ARHGEF26: variants seen among roughly 807,000 people sequenced by gnomAD.
The protein encoded by ARHGEF26 is Rho guanine nucleotide exchange factor (GEF) 26.
Under a neutral mutation model 89.4 loss-of-function variants are expected in ARHGEF26, and 59 were observed. That is an observed-to-expected ratio of 0.66 (90% CI 0.54 to 0.82). The LOEUF (loss-of-function observed/expected upper bound fraction) is 0.82. Ranked by LOEUF, ARHGEF26 falls within the 40% of genes least tolerant of loss-of-function variation. The probability of loss-of-function intolerance (pLI) is 0.00; values close to 1 mark genes in which losing one functional copy is unlikely to be tolerated. For synonymous variants in ARHGEF26, 500 were observed against 428.4 expected (o/e 1.17, Z -2.06); for missense variants, 1,234 against 1,085.6 (o/e 1.14, Z -1.92).
At chr3:154,252,872 G>T (rs1297679723) in intron 12 of ARHGEF26, among the ~76,000 whole-genome samples, 1 of 152,010 alleles carries the variant, frequency 6.6e-6, no homozygotes, top group East Asian at 1.9e-4. Context: ...CTGTCATATG[G>T]GAAGTTCCTT....
chr3:154,244,590 C>CAA (rs1390305508), intron 12 of ARHGEF26, among the ~76,000 whole-genome samples: 1 of 152,080 alleles, frequency 6.6e-6, no homozygotes, highest in Non-Finnish European at 1.5e-5. Context: ...GAATGATACT[C>CAA]TTTTTGACTC....
Position 154,257,693 on chromosome 3 carries a change from T to G in ARHGEF26, c.*2220T>G, listed in dbSNP as rs911139591. 2 of 152,206 alleles carry G rather than the reference T, an allele frequency of 1.3e-5. No individual in the cohort carries two copies. Among genetic ancestry groups the G allele is most frequent in the African/African-American group, 4.8e-5 (2 of 41,456 alleles). 9.4% of individuals were successfully genotyped at this position (152,206 alleles called of 1,614,324 possible). ...GTTTTTTCAAACCTAGTTGTTTCTATGGACACCTGCTCTGAATTGTACATT... is the reference window on the plus strand; with the variant it reads ...GTTTTTTCAAACCTAGTTGTTTCTAGGGACACCTGCTCTGAATTGTACATT... On this transcript the variant is annotated 3_prime_UTR_variant, in exon 15 of 15. Coordinates refer to ENST00000465093, the MANE Select transcript of ARHGEF26 (RefSeq NM_015595.4).
In ARHGEF26 at chr3:154,256,238, C is replaced by T. The variant is rs1222751157; in HGVS notation, c.*765C>T. On this transcript the variant is annotated 3_prime_UTR_variant, in exon 15 of 15. Coordinates refer to ENST00000465093, the MANE Select transcript of ARHGEF26 (RefSeq NM_015595.4). ...AAAAACCTGAATATAGGACAGGGGT[C>T]CTACTTTTTTCCCCACCTCTGTCGC... 2 of 985,292 alleles carry T rather than the reference C, an allele frequency of 2.0e-6. No homozygotes were observed. Among genetic ancestry groups the T allele is most frequent in the Non-Finnish European group, 2.4e-6 (2 of 830,006 alleles). The allele number at this position is 985,292 out of a possible 1,614,324, so 61.0% of individuals were successfully genotyped here.
intron 9 of ARHGEF26, among the ~76,000 whole-genome samples, chr3:154,207,420 CTT>C (rs1361169199): frequency 3.9e-5 from 6 of 152,006 alleles, no homozygotes; most frequent in Non-Finnish European, 8.8e-5. Flanking sequence ...AAGAATAACT[CTT>C]TTAAAAAGCG....
intron 7 of ARHGEF26, among the ~76,000 whole-genome samples, chr3:154,189,635 C>T (rs1713827549): frequency 1.3e-5 from 2 of 152,080 alleles, no homozygotes; most frequent in Admixed American, 1.3e-4. Context: ...CTGCGCCCAG[C>T]CCGCAGTTTA....
intron 11 of ARHGEF26, among the ~76,000 whole-genome samples, chr3:154,238,576 G>A (rs1289572926): frequency 2.0e-5 from 3 of 152,182 alleles, no homozygotes; most frequent in Admixed American, 6.5e-5. Flanking sequence ...TCCTCCTAGT[G>A]TACTGGACTA....
intron 3 of ARHGEF26, among the ~76,000 whole-genome samples, chr3:154,124,978 CAA>C (rs5853679): frequency 2.9e-3 from 416 of 145,744 alleles, no homozygotes; most frequent in Middle Eastern, 7.1e-3. Context: ...TTAAGGATCT[CAA>C]AAAAAAAAAA....
rs201150057 is a variant in ARHGEF26, at chr3:154,186,886, CTTTTTT to C, written c.1488-776_1488-771del. On this transcript the variant is annotated intron_variant, in intron 6 of 14. Transcript: ENST00000465093. ...CATATACTGTTAGATTTATTTCAGA[CTTTTTT>C]TTTTTTTTTTTTTTTTTTTTTTGAG... Among the ~76,000 whole-genome samples the C allele has an allele frequency of 8.6e-3, 705 of 81,848 alleles. 2 individuals are homozygous for C. The highest frequency in any genetic ancestry group is 0.026 in the African/African-American group (552 of 20,964). The allele number at this position is 81,848 out of a possible 152,430, so 53.7% of individuals were successfully genotyped here. A position where few individuals can be genotyped will look rare whatever the true frequency, so the allele number is the denominator to read the frequency against.
At chr3:154,136,819 A>G (rs1015785515) in intron 4 of ARHGEF26, among the ~76,000 whole-genome samples, 1 of 152,216 alleles carries the variant, frequency 6.6e-6, no homozygotes, top group Non-Finnish European at 1.5e-5. Context: ...GCAACGCAGC[A>G]GTCTCATAAG....
At position 154,256,000 on chromosome 3, in the gene ARHGEF26, A is replaced by C. The variant is rs1045811083; in HGVS notation, c.*527A>C. 99 of 985,498 alleles carry C rather than the reference A, an allele frequency of 1.0e-4. No individual in the cohort carries two copies. In the African/African-American group the frequency reaches 1.5e-3, roughly 15 times the overall value. The allele number at this position is 985,498 out of a possible 1,614,324, so 61.0% of individuals were successfully genotyped here. On this transcript the variant is annotated 3_prime_UTR_variant, in exon 15 of 15. Transcript: ENST00000465093. ...AGGAACTGGTAGAGTTCAGAAGGTG[A>C]GCTGTTGTTTTTCTAAACCTCTTCC...
chr3:154,131,643 A>C (rs188130698), intron 4 of ARHGEF26, among the ~76,000 whole-genome samples: 1 of 152,264 alleles, frequency 6.6e-6, no homozygotes, highest in Non-Finnish European at 1.5e-5. Flanking sequence ...AGAAGAAAGA[A>C]GGCTGTGAAT....
At chr3:154,192,420 G>A (rs1218916183) in intron 8 of ARHGEF26, among the ~76,000 whole-genome samples, 1 of 152,190 alleles carries the variant, frequency 6.6e-6, no homozygotes, top group Non-Finnish European at 1.5e-5. Context: ...TGAGCATTTA[G>A]CTGACTGCTG....
rs1576762184 is a variant in ARHGEF26, at chr3:154,194,515, T to A, written c.1771-129T>A. ...GTTTTTAAATTGGGTTTTAATATTA[T>A]CCTCATACTCATCCGTAATATCGTG... On this transcript the variant is annotated intron_variant, in intron 8 of 14. Coordinates refer to ENST00000465093, the MANE Select transcript of ARHGEF26 (RefSeq NM_015595.4). 11 of 653,282 alleles carry A rather than the reference T, an allele frequency of 1.7e-5. No individual in the cohort carries two copies. In the East Asian group the frequency reaches 3.0e-4, roughly 18 times the overall value. The allele number at this position is 653,282 out of a possible 1,614,324, so 40.5% of individuals were successfully genotyped here.
At chr3:154,192,504 C>CT (rs1714011845) in intron 8 of ARHGEF26, among the ~76,000 whole-genome samples, 1 of 152,238 alleles carries the variant, frequency 6.6e-6, no homozygotes, top group Non-Finnish European at 1.5e-5. Flanking sequence ...CTTCGATCTA[C>CT]TGCCTTTACA....
chr3:154,140,859 G>T (rs1367502537), intron 4 of ARHGEF26, among the ~76,000 whole-genome samples: 1 of 152,120 alleles, frequency 6.6e-6, no homozygotes, highest in African/African-American at 2.4e-5. Context: ...GGGATTACAG[G>T]CATGAGCCAC....
intron 4 of ARHGEF26, among the ~76,000 whole-genome samples, chr3:154,143,671 C>T (rs1576698033): frequency 6.6e-6 from 1 of 152,206 alleles, no homozygotes; most frequent in African/African-American, 2.4e-5. Context: ...AACTTTACCA[C>T]CATTCCCAAC....
chr3:154,183,029 G>A (rs1344598659), intron 6 of ARHGEF26, among the ~76,000 whole-genome samples: 1 of 152,136 alleles, frequency 6.6e-6, no homozygotes, highest in Non-Finnish European at 1.5e-5. Context: ...TTCAAACATG[G>A]GTTTTAGCTG....
At chr3:154,152,353 A>G (rs562775109) in intron 5 of ARHGEF26, among the ~76,000 whole-genome samples, 3 of 152,272 alleles carry the variant, frequency 2.0e-5, no homozygotes, top group Non-Finnish European at 4.4e-5. Flanking sequence ...CTGAATCTCA[A>G]GAGATGACCA....
intron 9 of ARHGEF26, among the ~76,000 whole-genome samples, chr3:154,204,465 G>T (rs1714880848): frequency 6.6e-6 from 1 of 150,398 alleles, no homozygotes; most frequent in African/African-American, 2.4e-5. Flanking sequence ...CTCTCAAGTA[G>T]CTGGGACTAC....
Sources: gnomAD v4.1 joint callset for allele counts (sites outside exome capture counted in the v4.1 genomes callset) on GRCh38, gnomAD v4.1.1 for gene constraint, MANE v1.5 for transcripts, NCBI Gene and HGNC (gene_info 2026-07-23, HGNC 2026-07-21) for gene names.